Variants in UBR3 observed in about 807,000 individuals in gnomAD.
The protein encoded by UBR3 is E3 ubiquitin-protein ligase UBR3.
Under a neutral mutation model 243.2 loss-of-function variants are expected in UBR3, and 85 were observed. The observed-to-expected ratio is 0.35, with a 90% confidence interval of 0.29 to 0.42. The LOEUF (loss-of-function observed/expected upper bound fraction) is 0.42, where lower values mean the gene tolerates loss of function less well. Among genes scored for constraint, UBR3 ranks in the 10% least tolerant of loss-of-function variants. UBR3 has a pLI of 1.00. For missense variants in UBR3, 1,686 were observed against 2,300.8 expected (o/e 0.73, Z 5.47); for synonymous variants, 748 against 799.8 (o/e 0.94, Z 1.09).
intron 1 of UBR3, among the ~76,000 whole-genome samples, chr2:169,861,941 A>G (rs1056265131): frequency 6.6e-6 from 1 of 152,190 alleles, no homozygotes; most frequent in Non-Finnish European, 1.5e-5. Context: ...GGTTTACCCA[A>G]TTATCTCAGT....
intron 1 of UBR3, among the ~76,000 whole-genome samples, chr2:169,850,048 G>A (rs2105291994): frequency 6.6e-6 from 1 of 152,200 alleles, no homozygotes; most frequent in East Asian, 1.9e-4. Context: ...GGTTGTAGCT[G>A]GACTGTTGTC....
intron 5 of UBR3, among the ~76,000 whole-genome samples, chr2:169,887,800 G>T (rs113131232): frequency 0.044 from 6,581 of 150,466 alleles, 171 homozygotes; most frequent in Middle Eastern, 0.068. Flanking sequence ...TTTTGAGACG[G>T]AGTTTTGCTC....
In UBR3 at chr2:170,083,005, TGAAA is replaced by T. The variant is rs2091930365; in HGVS notation, c.*1163_*1166del. ...CCCACTCTATGAGAAGGAAGATTACTGAAAAGCATGTGACATATTGCTACAAAGA... is the reference window on the plus strand; with the variant it reads ...CCCACTCTATGAGAAGGAAGATTACTAGCATGTGACATATTGCTACAAAGA... On this transcript the variant is annotated 3_prime_UTR_variant, in exon 39 of 39. Coordinates refer to ENST00000272793, the MANE Select transcript of UBR3 (RefSeq NM_172070.4). The T allele has an allele frequency of 6.6e-6, 1 of 152,630 alleles. No homozygotes were observed. The highest frequency in any genetic ancestry group is 2.1e-4 in the South Asian group (1 of 4,828). 9.5% of individuals were successfully genotyped at this position (152,630 alleles called of 1,614,324 possible). A position where few individuals can be genotyped will look rare whatever the true frequency, so the allele number is the denominator to read the frequency against.
intron 25 of UBR3, among the ~76,000 whole-genome samples, chr2:169,987,340 C>A (rs1436929497): frequency 3.5e-5 from 5 of 144,012 alleles, no homozygotes; most frequent in African/African-American, 1.3e-4. Flanking sequence ...TTGCAGTGAG[C>A]TGAGATTGTA....
At chr2:169,908,232 A>G (rs1209965867) in intron 10 of UBR3, among the ~76,000 whole-genome samples, 1 of 152,256 alleles carries the variant, frequency 6.6e-6, no homozygotes, top group Non-Finnish European at 1.5e-5. Flanking sequence ...ATATGTATGC[A>G]TAAGCCCCAG....
chr2:169,837,726 C>T (rs1207475412), intron 1 of UBR3, among the ~76,000 whole-genome samples: 1 of 152,190 alleles, frequency 6.6e-6, no homozygotes, highest in African/African-American at 2.4e-5. Context: ...TCCCCATCAT[C>T]CAGTTACCTC....
chr2:170,068,410 G>A (rs2091624788), intron 35 of UBR3, among the ~76,000 whole-genome samples: 1 of 152,160 alleles, frequency 6.6e-6, no homozygotes, highest in African/African-American at 2.4e-5. Context: ...AGAAGTTGCA[G>A]TGAGCCGAGA....
chr2:170,067,958 T>TG (rs2091613458), intron 35 of UBR3, among the ~76,000 whole-genome samples: 1 of 151,634 alleles, frequency 6.6e-6, no homozygotes, highest in Non-Finnish European at 1.5e-5. Flanking sequence ...TTAGTAGAGA[T>TG]GGGGTTTCAT....
intron 35 of UBR3, among the ~76,000 whole-genome samples, chr2:170,068,096 A>T (rs1299267753): frequency 6.6e-6 from 1 of 152,038 alleles, no homozygotes; most frequent in Non-Finnish European, 1.5e-5. Context: ...CTGAGTGAAA[A>T]TGTAAACACA....
chr2:169,907,349 G>A (rs1483121751), intron 10 of UBR3, among the ~76,000 whole-genome samples: 2 of 151,948 alleles, frequency 1.3e-5, no homozygotes, highest in African/African-American at 2.4e-5. Context: ...CTGTCCATAT[G>A]ATATTTCCTT....
At chr2:169,890,563 A>ATATGTGTGTG (rs1255881148) in intron 5 of UBR3, among the ~76,000 whole-genome samples, 9 of 83,882 alleles carry the variant, frequency 1.1e-4, no homozygotes, top group South Asian at 4.2e-4. Flanking sequence ...ATATATATAT[A>ATATGTGTGTG]TGTGTATATA....
At chr2:170,019,728 A>G (rs2090338763) in intron 30 of UBR3, among the ~76,000 whole-genome samples, 1 of 152,144 alleles carries the variant, frequency 6.6e-6, no homozygotes, top group African/African-American at 2.4e-5. Flanking sequence ...ATTTCTCCCT[A>G]CAGTTAGGGA....
intron 10 of UBR3, among the ~76,000 whole-genome samples, chr2:169,912,773 A>G (rs1428231746): frequency 6.6e-6 from 1 of 151,906 alleles, no homozygotes; most frequent in East Asian, 1.9e-4. Flanking sequence ...TTACCAAAGA[A>G]CTGCCAAGCT....
In UBR3 at chr2:169,949,813, A is replaced by G. The variant is rs771962251; in HGVS notation, c.3293A>G (p.His1098Arg). The change falls in exon 23 of 39, where the codon CAC (histidine) becomes CGC (arginine). Residue 1098 changes from histidine (H) to arginine (R), a missense_variant. By Grantham distance (29) the His-to-Arg change is conservative. Around this residue, in one of 8 missense-constraint regions of UBR3, gnomAD observed 300 missense variants for 314.4 expected, o/e 0.95. Coordinates refer to ENST00000272793, the MANE Select transcript of UBR3 (RefSeq NM_172070.4). ...SILSLLIKLH[H>R]KLSGKQNSYY... ...TTGTCTTTGCTAATTAAACTTCACC[A>G]CAAACTCTCAGGAAAACAAAACTCC... 3 of 1,555,040 alleles carry G rather than the reference A, an allele frequency of 1.9e-6. No homozygotes were observed. The highest frequency in any genetic ancestry group is 1.7e-6 in the Non-Finnish European group (2 of 1,148,304).
In UBR3 at chr2:169,987,809, A is replaced by G. The variant is rs1410836586; in HGVS notation, c.3784+1015A>G. ...TGTTAACTCTCTGAATTAGTAGGGT[A>G]AAGTGGAAAGAGTTAGATATTAGAA... On this transcript the variant is annotated intron_variant, in intron 25 of 38. Transcript: ENST00000272793. Among the ~76,000 whole-genome samples, 5 of 152,188 alleles carry G rather than the reference A, an allele frequency of 3.3e-5. No individual in the cohort carries two copies. The East Asian group carries it at 9.6e-4, about 29-fold the overall frequency.
At position 169,955,085 on chromosome 2, in the gene UBR3, C is replaced by T. The variant is rs1485464730; in HGVS notation, c.3546-3353C>T. On this transcript the variant is annotated intron_variant, in intron 23 of 38. Coordinates refer to ENST00000272793, the MANE Select transcript of UBR3 (RefSeq NM_172070.4). Reference sequence around the variant, plus strand: ...TTTGACTCAGTTTATACAACTTTGGCAGGAATGTAAATGAAGTGTTGCTGT... The same window carrying T: ...TTTGACTCAGTTTATACAACTTTGGTAGGAATGTAAATGAAGTGTTGCTGT... Among the ~76,000 whole-genome samples the T allele has an allele frequency of 2.0e-5, 3 of 152,250 alleles. No homozygotes were observed. The East Asian group carries it at 5.8e-4, about 29-fold the overall frequency.
At position 169,942,867 on chromosome 2, in the gene UBR3, G is replaced by T. The variant is rs1287723358; in HGVS notation, c.2805+233G>T. ...TTATCTTATCTAGCTACCGATAAAA[G>T]TATTTATTTATGGATTCTGTAGAAC... On this transcript the variant is annotated intron_variant, in intron 20 of 38. Coordinates refer to ENST00000272793, the MANE Select transcript of UBR3 (RefSeq NM_172070.4). Among the ~76,000 whole-genome samples, 41 of 152,184 alleles carry T rather than the reference G, an allele frequency of 2.7e-4. 1 individual carries two copies. Among genetic ancestry groups the T allele is most frequent in the Admixed American group, 2.7e-3 (41 of 15,268 alleles).
intron 3 of UBR3, among the ~76,000 whole-genome samples, chr2:169,877,293 G>A (rs1408347456): frequency 6.6e-6 from 1 of 152,052 alleles, no homozygotes; most frequent in Non-Finnish European, 1.5e-5. Context: ...TCATTATTTG[G>A]TATAAACATG....
At chr2:170,038,623 T>C (rs2105429837) in intron 31 of UBR3, among the ~76,000 whole-genome samples, 1 of 152,246 alleles carries the variant, frequency 6.6e-6, no homozygotes, top group South Asian at 2.1e-4. Context: ...TTAGTGCCAA[T>C]TAAATACGGG....
Sources: gnomAD v4.1 joint callset for allele counts (sites outside exome capture counted in the v4.1 genomes callset) on GRCh38, gnomAD v4.1.1 for gene constraint, gnomAD v4.1.1 regional missense constraint, MANE v1.5 for transcripts, NCBI Gene and HGNC (gene_info 2026-07-23, HGNC 2026-07-21) for gene names.